The following PDE1C variants were observed in gnomAD, a reference collection of about 807,000 sequenced individuals.
PDE1C encodes the protein dual specificity calcium/calmodulin-dependent 3',5'-cyclic nucleotide phosphodiesterase 1C.
A neutral mutation model predicts 93.1 loss-of-function variants in PDE1C; 62 were observed. The ratio of observed to expected loss-of-function variants is 0.67; its 90% CI spans 0.54 to 0.82. PDE1C has a LOEUF of 0.82. Ranked by LOEUF, PDE1C falls within the 40% of genes least tolerant of loss-of-function variation. PDE1C has a pLI of 0.00. For synonymous variants in PDE1C, 325 were observed against 310.1 expected (o/e 1.05, Z -0.50); for missense variants, 742 against 884.6 (o/e 0.84, Z 2.04).
chr7:32,046,570 CA>C (rs1445278631), intron 2 of PDE1C, among the ~76,000 whole-genome samples: 3 of 152,034 alleles, frequency 2.0e-5, no homozygotes, highest in African/African-American at 7.2e-5. Flanking sequence ...TTGTTATTTC[CA>C]GTATTTACTG....
intron 1 of PDE1C, among the ~76,000 whole-genome samples, chr7:32,219,788 G>A (rs1806703841): frequency 6.6e-6 from 1 of 152,200 alleles, no homozygotes; most frequent in Admixed American, 6.5e-5. Context: ...TGAATCAAAA[G>A]TGTTGAGACA....
At chr7:32,065,122 T>C (rs572439091) in intron 1 of PDE1C, among the ~76,000 whole-genome samples, 1 of 152,052 alleles carries the variant, frequency 6.6e-6, no homozygotes, top group African/African-American at 2.4e-5. Flanking sequence ...AGCTCCATGT[T>C]GCATGACAGC....
intron 6 of PDE1C, among the ~76,000 whole-genome samples, chr7:31,872,899 AG>A (rs1796113447): frequency 6.6e-6 from 1 of 152,148 alleles, no homozygotes; most frequent in South Asian, 2.1e-4. Context: ...GAAAAAAAAA[AG>A]TTTACAGAGA....
intron 2 of PDE1C, among the ~76,000 whole-genome samples, chr7:32,033,796 A>C (rs1220914312): frequency 1.3e-5 from 2 of 151,932 alleles, no homozygotes; most frequent in African/African-American, 4.9e-5. Flanking sequence ...AAACAAAAAC[A>C]GTACCCTGAT....
At chr7:31,958,207 G>A (rs1285289698) in intron 2 of PDE1C, among the ~76,000 whole-genome samples, 1 of 152,194 alleles carries the variant, frequency 6.6e-6, no homozygotes, top group Non-Finnish European at 1.5e-5. Flanking sequence ...CCGCTTCCAA[G>A]CATGTGCCGT....
At chr7:32,196,946 AAAACAC>A (rs1483442104) in intron 2 of PDE1C, among the ~76,000 whole-genome samples, 1 of 152,200 alleles carries the variant, frequency 6.6e-6, no homozygotes, top group African/African-American at 2.4e-5. Context: ...ATTCAGTTAG[AAAACAC>A]AGGAGTAGGA....
intron 3 of PDE1C, among the ~76,000 whole-genome samples, chr7:32,091,908 G>C (rs1244203417): frequency 2.0e-5 from 3 of 152,148 alleles, no homozygotes; most frequent in Non-Finnish European, 2.9e-5. Flanking sequence ...CTAGTTCCCA[G>C]GCAAAAGATG....
chr7:32,416,220 G>C (rs992189670), intron 1 of PDE1C, among the ~76,000 whole-genome samples: 1 of 152,244 alleles, frequency 6.6e-6, no homozygotes, highest in Non-Finnish European at 1.5e-5. Flanking sequence ...TAAGGTCGGA[G>C]AGTCCTCCCA....
the PDE1C span, among the ~76,000 whole-genome samples, chr7:31,689,413 C>A: frequency 3.3e-5 from 5 of 152,136 alleles, no homozygotes; most frequent in African/African-American, 1.2e-4. Context: ...AGAAAGTTCC[C>A]AAGTTACAGG....
intron 1 of PDE1C, among the ~76,000 whole-genome samples, chr7:32,339,505 T>C (rs1783704111): frequency 6.6e-6 from 1 of 152,222 alleles, no homozygotes; most frequent in African/African-American, 2.4e-5. Flanking sequence ...CATTTTACAT[T>C]ATGCATATTT....
intron 2 of PDE1C, among the ~76,000 whole-genome samples, chr7:32,186,804 A>G (rs1012783498): frequency 6.6e-6 from 1 of 152,136 alleles, no homozygotes; most frequent in Non-Finnish European, 1.5e-5. Flanking sequence ...TAACTATTTC[A>G]TGGGCACTAA....
At chr7:32,325,504 C>G (rs115128289) in intron 1 of PDE1C, among the ~76,000 whole-genome samples, 2,276 of 152,306 alleles carry the variant, frequency 0.015, 61 homozygotes, top group African/African-American at 0.052. Flanking sequence ...TTCTCTCATC[C>G]TGTTACACCT....
the PDE1C span, among the ~76,000 whole-genome samples, chr7:31,705,944 C>G: frequency 6.8e-6 from 1 of 146,918 alleles, no homozygotes; most frequent in Non-Finnish European, 1.5e-5. Context: ...GGTGATCAGT[C>G]CAGAAAATTG....
intron 2 of PDE1C, among the ~76,000 whole-genome samples, chr7:31,964,414 C>T (rs993462510): frequency 5.3e-5 from 8 of 152,310 alleles, no homozygotes; most frequent in South Asian, 2.1e-4. Flanking sequence ...GGGGGAGGGG[C>T]GCCTGCCATT....
the PDE1C span, chr7:31,658,486 G>A: frequency 8.7e-7 from 1 of 1,143,748 alleles, no homozygotes; most frequent in Non-Finnish European, 1.1e-6. Context: ...GTATCAAAGT[G>A]GTGCCCCTTT....
intron 2 of PDE1C, among the ~76,000 whole-genome samples, chr7:32,176,427 T>C (rs2128809146): frequency 6.6e-6 from 1 of 152,048 alleles, no homozygotes; most frequent in South Asian, 2.1e-4. Flanking sequence ...AAAGGATGAG[T>C]TGGGAATAAG....
At chr7:31,930,033 GAA>G (rs1167156233) in intron 2 of PDE1C, among the ~76,000 whole-genome samples, 1 of 151,816 alleles carries the variant, frequency 6.6e-6, no homozygotes, top group Non-Finnish European at 1.5e-5. Context: ...GACTAATAAA[GAA>G]GAGAGAAGAA....
At chr7:32,012,623 G>T (rs1193881951) in intron 2 of PDE1C, among the ~76,000 whole-genome samples, 1 of 152,126 alleles carries the variant, frequency 6.6e-6, no homozygotes, top group African/African-American at 2.4e-5. Flanking sequence ...TGGGGGAGAG[G>T]GAGGCATTAA....
At chr7:31,695,002 T>G in the PDE1C span, among the ~76,000 whole-genome samples, 11 of 152,234 alleles carry the variant, frequency 7.2e-5, no homozygotes, top group African/African-American at 2.6e-4. Context: ...GGCACAATGA[T>G]GAAGGCAAGT....
Sources: gnomAD v4.1 joint callset for allele counts (sites outside exome capture counted in the v4.1 genomes callset) on GRCh38, gnomAD v4.1.1 for gene constraint, MANE v1.5 for transcripts, NCBI Gene and HGNC (gene_info 2026-07-23, HGNC 2026-07-21) for gene names.